Variants in FBXO47 observed in about 807,000 individuals in gnomAD.
FBXO47 encodes F-box protein 47.
In FBXO47, 34 loss-of-function variants were observed where a neutral mutation model predicts 53.9. The ratio of observed to expected loss-of-function variants is 0.63; its 90% CI spans 0.48 to 0.84. The LOEUF is 0.84. FBXO47 is among the 40% of genes least tolerant of loss of function. The pLI is 0.00. For missense variants in FBXO47, 485 were observed against 541.3 expected (o/e 0.90, Z 1.03); for synonymous variants, 165 against 181.6 (o/e 0.91, Z 0.73).
In FBXO47 at chr17:38,941,620, TTATATATATATATA is replaced by T. The variant is rs3040090; in HGVS notation, c.1083+1144_1083+1157del. On this transcript the variant is annotated intron_variant, in intron 9 of 10. Transcript: ENST00000378079. ...AAATGAATATTAAATAAATATAATA[TTATATATATATATA>T]TATATATATATGTATGTGTATATGT... Among the ~76,000 whole-genome samples the T allele has an allele frequency of 2.6e-5, 3 of 115,186 alleles. No homozygotes were observed. The East Asian group carries it at 7.6e-4, about 29-fold the overall frequency. 75.6% of individuals were successfully genotyped at this position (115,186 alleles called of 152,430 possible).
intron 6 of FBXO47, among the ~76,000 whole-genome samples, chr17:38,951,000 A>C (rs1054127826): frequency 6.6e-6 from 1 of 152,088 alleles, no homozygotes; most frequent in Non-Finnish European, 1.5e-5. Context: ...TAGTGGGCTC[A>C]AGCTATCCTC....
At chr17:38,958,869 GA>G (rs1033447138) in intron 3 of FBXO47, among the ~76,000 whole-genome samples, 8 of 151,492 alleles carry the variant, frequency 5.3e-5, no homozygotes, top group South Asian at 2.1e-4. Context: ...ACAACTAAGG[GA>G]AAAAAAAGAC....
rs148397590 is a variant in FBXO47 at position 38,942,365 on chromosome 17, C to T, written c.1083+413G>A. Among the ~76,000 whole-genome samples the T allele has an allele frequency of 9.5e-3, 1,444 of 152,074 alleles. 26 individuals carry two copies. Among genetic ancestry groups the T allele is most frequent in the African/African-American group, 0.033 (1,349 of 41,482 alleles). Reference sequence around the variant, plus strand: ...ATCCCAGCACTTTGGGAGGCCAAGGCGGGCAGATCATGAGGTCAGGAGTTC... The same window carrying T: ...ATCCCAGCACTTTGGGAGGCCAAGGTGGGCAGATCATGAGGTCAGGAGTTC... On this transcript the variant is annotated intron_variant, in intron 9 of 10. Transcript: ENST00000378079.
At chr17:38,943,232 T>G (rs1168439253) in intron 8 of FBXO47, among the ~76,000 whole-genome samples, 1 of 152,196 alleles carries the variant, frequency 6.6e-6, no homozygotes, top group Non-Finnish European at 1.5e-5. Context: ...TAAAGGATTA[T>G]GCAGGAATAG....
intron 6 of FBXO47, among the ~76,000 whole-genome samples, chr17:38,949,411 C>A (rs1905096529): frequency 6.6e-6 from 1 of 151,066 alleles, no homozygotes; most frequent in South Asian, 2.1e-4. Context: ...TAGAGCCAGA[C>A]CCTGTCTCAA....
chr17:38,952,970 T>G, intron 5 of FBXO47, among the ~76,000 whole-genome samples: 1 of 151,794 alleles, frequency 6.6e-6, no homozygotes, highest in African/African-American at 2.4e-5. Flanking sequence ...GACTTTTGAA[T>G]GTGAACAAAC....
chr17:38,944,979 C>T lies in FBXO47; in HGVS notation c.774G>A (p.Gly258=). The T allele has an allele frequency of 1.9e-6, 3 of 1,613,710 alleles. No individual in the cohort carries two copies. Among genetic ancestry groups the T allele is most frequent in the East Asian group, 2.2e-5 (1 of 44,854 alleles). ...GCTCACCATCTTGAGGAGATATTGG[C>T]CCAAAGATGATATACAGTAATCTTG... is the stretch of plus-strand genomic sequence containing the variant. The part of the protein sequence containing the change: ...NQARLLYIIF[G]PISPQDGQVV... Residue 258 remains glycine, a synonymous_variant, in exon 7 of 11, where the codon GGG becomes GGA. Transcript: ENST00000378079.
intron 5 of FBXO47, among the ~76,000 whole-genome samples, chr17:38,953,350 C>T (rs1167510186): frequency 6.6e-6 from 1 of 151,244 alleles, no homozygotes; most frequent in South Asian, 2.1e-4. Flanking sequence ...TCTGGCCAGT[C>T]GTGGTGGCTA....
At chr17:38,965,037 A>AAGTGC (rs2143977562) in intron 1 of FBXO47, among the ~76,000 whole-genome samples, 1 of 152,066 alleles carries the variant, frequency 6.6e-6, no homozygotes, top group East Asian at 1.9e-4. Flanking sequence ...TTTAGTAGAG[A>AAGTGC]CGGGGTTTCA....
Position 38,944,989 on chromosome 17 carries a change from A to G in FBXO47, c.764T>C (p.Ile255Thr), listed in dbSNP as rs1171507255. The G allele has an allele frequency of 6.2e-7, 1 of 1,613,990 alleles. No homozygotes were observed. Among genetic ancestry groups the G allele is most frequent in the Admixed American group, 1.7e-5 (1 of 59,992 alleles). ...TTGAGGAGATATTGGCCCAAAGATG[A>G]TATACAGTAATCTTGCCTGATTCAC... ...PMVNQARLLY[I>T]IFGPISPQDG... Residue 255 changes from isoleucine (I) to threonine (T), a missense_variant, in exon 7 of 11, where the codon ATC becomes ACC. Transcript: ENST00000378079.
chr17:38,951,963 G>A (rs1905314917), intron 5 of FBXO47, among the ~76,000 whole-genome samples: 2 of 152,062 alleles, frequency 1.3e-5, no homozygotes, highest in African/African-American at 4.8e-5. Context: ...GGAGGTGGAG[G>A]TTGCAGTGAG....
intron 1 of FBXO47, among the ~76,000 whole-genome samples, chr17:38,965,147 C>T (rs1241393800): frequency 6.6e-6 from 1 of 152,144 alleles, no homozygotes; most frequent in Non-Finnish European, 1.5e-5. Flanking sequence ...ACCACGCCCG[C>T]CCATTACACT....
Position 38,938,409 on chromosome 17 carries a change from C to T in FBXO47, c.1243+164G>A, listed in dbSNP as rs79105873. Among the ~76,000 whole-genome samples, 467 of 151,890 alleles carry T rather than the reference C, an allele frequency of 3.1e-3. 3 individuals carry two copies. The highest frequency in any genetic ancestry group is 0.011 in the African/African-American group (446 of 41,436). On this transcript the variant is annotated intron_variant, in intron 10 of 10. Transcript: ENST00000378079. Reference sequence around the variant, plus strand: ...TTGCAAGGAAAAACAAACAAAAGTCCGCTTCCTCTACTTATTGTTAGTTTT... The same window carrying T: ...TTGCAAGGAAAAACAAACAAAAGTCTGCTTCCTCTACTTATTGTTAGTTTT...
Position 38,936,972 on chromosome 17 carries a change from T to A in FBXO47, c.*203A>T, listed in dbSNP as rs1915594159. On this transcript the variant is annotated 3_prime_UTR_variant, in exon 11 of 11. Transcript: ENST00000378079. ...AGGCAGAGCTTGTTTTCCAGAGAAA[T>A]CTCAGCACATTCTTGAGGCTGCCTG... 3 of 377,300 alleles carry A rather than the reference T, an allele frequency of 8.0e-6. No homozygotes were observed. Among genetic ancestry groups the A allele is most frequent in the Non-Finnish European group, 1.4e-5 (3 of 213,380 alleles). 23.4% of individuals were successfully genotyped at this position (377,300 alleles called of 1,614,324 possible).
intron 9 of FBXO47, among the ~76,000 whole-genome samples, chr17:38,940,397 A>G (rs768495414): frequency 1.1e-4 from 17 of 151,854 alleles, no homozygotes; most frequent in Non-Finnish European, 1.5e-4. Context: ...CCAAAAACAC[A>G]AAGCCAATTA....
intron 1 of FBXO47, 111 bp downstream of exon 1, chr17:38,967,118 A>C (rs1906169453): frequency 6.6e-6 from 1 of 152,216 alleles, no homozygotes; most frequent in South Asian, 2.1e-4. Context: ...CCTAAAGGAC[A>C]AACTGGTCAA....
At chr17:38,959,498 T>C (rs1302923501) in intron 3 of FBXO47, among the ~76,000 whole-genome samples, 1 of 144,986 alleles carries the variant, frequency 6.9e-6, no homozygotes, top group East Asian at 2.0e-4. Context: ...GAGAATCGCT[T>C]GAACCCAGGA....
At chr17:38,943,454 T>C in intron 8 of FBXO47, 136 bp downstream of exon 8, 1 of 519,470 alleles carries the variant, frequency 1.9e-6, no homozygotes, top group Non-Finnish European at 3.1e-6. Context: ...AATGCCAAAC[T>C]CTTTAAATAT....
intron 6 of FBXO47, among the ~76,000 whole-genome samples, chr17:38,950,631 T>G (rs1905225809): frequency 6.6e-6 from 1 of 152,052 alleles, no homozygotes; most frequent in African/African-American, 2.4e-5. Flanking sequence ...TGTCTCCTTG[T>G]GCATATTGTG....
Sources: gnomAD v4.1 joint callset for allele counts (sites outside exome capture counted in the v4.1 genomes callset) on GRCh38, gnomAD v4.1.1 for gene constraint, MANE v1.5 for transcripts, NCBI Gene and HGNC (gene_info 2026-07-23, HGNC 2026-07-21) for gene names.